GTF2E1: variants seen among roughly 807,000 people sequenced by gnomAD.
GTF2E1 encodes the protein TFIIE alpha subunit.
GTF2E1 carries 14 observed loss-of-function variants against 34.9 expected under a neutral mutation model. The observed-to-expected ratio is 0.40, with a 90% CI of 0.27 to 0.63. GTF2E1 has a LOEUF of 0.63. GTF2E1 is among the 20% of genes least tolerant of loss of function. The pLI is 0.39. For synonymous variants in GTF2E1, 188 were observed against 192.9 expected (o/e 0.97, Z 0.21); for missense variants, 469 against 557.7 (o/e 0.84, Z 1.60).
intron 2 of GTF2E1, among the ~76,000 whole-genome samples, chr3:120,761,994 G>C (rs997242140): frequency 6.6e-6 from 1 of 152,072 alleles, no homozygotes; most frequent in African/African-American, 2.4e-5. Flanking sequence ...ATTTCACCGT[G>C]TTAGCCAGGA....
intron 1 of GTF2E1, among the ~76,000 whole-genome samples, chr3:120,748,542 T>C (rs1709130544): frequency 6.6e-6 from 1 of 152,218 alleles, no homozygotes; most frequent in Non-Finnish European, 1.5e-5. Flanking sequence ...CTCAGGTTTG[T>C]CAAAGATCAG....
At chr3:120,749,517 G>A (rs1235053846) in intron 1 of GTF2E1, among the ~76,000 whole-genome samples, 4 of 152,028 alleles carry the variant, frequency 2.6e-5, no homozygotes, top group African/African-American at 4.8e-5. Context: ...ATAATCATGT[G>A]GTTTTTGTCT....
At chr3:120,768,722 T>G (rs1039200634) in intron 2 of GTF2E1, among the ~76,000 whole-genome samples, 1 of 152,208 alleles carries the variant, frequency 6.6e-6, no homozygotes, top group African/African-American at 2.4e-5. Flanking sequence ...GGTTTATTTT[T>G]AAGCCCCCAC....
chr3:120,781,617 A>C lies in GTF2E1; in HGVS notation c.*147A>C. 1.5e-6 allele frequency: 1 copy of C among 654,018 alleles called. No homozygotes were observed. Among genetic ancestry groups the C allele is most frequent in the South Asian group, 2.0e-5 (1 of 49,124 alleles). 40.5% of individuals were successfully genotyped at this position (654,018 alleles called of 1,614,324 possible). A position where few individuals can be genotyped will look rare whatever the true frequency, so the allele number is the denominator to read the frequency against. Reference sequence around the variant, plus strand: ...GCAAAGATTGATGGTAGAGAGTTTGACTTTTATGCCAGAAACTTTCCCAGC... The same window carrying C: ...GCAAAGATTGATGGTAGAGAGTTTGCCTTTTATGCCAGAAACTTTCCCAGC... On this transcript the variant is annotated 3_prime_UTR_variant, in exon 5 of 5. Transcript: ENST00000283875.
At chr3:120,761,255 C>T (rs566247227) in intron 2 of GTF2E1, among the ~76,000 whole-genome samples, 4 of 152,222 alleles carry the variant, frequency 2.6e-5, no homozygotes, top group South Asian at 2.1e-4. Context: ...TCTGTGGGAT[C>T]GGTGGTGATA....
chr3:120,772,203 AG>A (rs1709357573), intron 3 of GTF2E1, among the ~76,000 whole-genome samples: 1 of 152,080 alleles, frequency 6.6e-6, no homozygotes, highest in Admixed American at 6.6e-5. Context: ...AGGGCTCCCT[AG>A]GATACTCTAT....
chr3:120,761,598 C>A (rs949507660), intron 2 of GTF2E1, among the ~76,000 whole-genome samples: 1 of 152,118 alleles, frequency 6.6e-6, no homozygotes, highest in African/African-American at 2.4e-5. Context: ...TTAAATGTAT[C>A]CCAGAGATTC....
chr3:120,760,383 A>G (rs1576358862), intron 2 of GTF2E1, among the ~76,000 whole-genome samples: 2 of 152,178 alleles, frequency 1.3e-5, no homozygotes, highest in Non-Finnish European at 2.9e-5. Flanking sequence ...AACAGAGACA[A>G]TTTGACTTCC....
intron 4 of GTF2E1, among the ~76,000 whole-genome samples, chr3:120,777,482 A>T (rs1709411422): frequency 6.6e-6 from 1 of 152,208 alleles, no homozygotes; most frequent in African/African-American, 2.4e-5. Context: ...GTGATATGTT[A>T]GTGCCAAAGA....
rs565073405 is a variant in GTF2E1, at chr3:120,781,483, T to C, written c.*13T>C. 40 of 1,594,996 alleles carry C rather than the reference T, an allele frequency of 2.5e-5. No individual in the cohort carries two copies. The highest frequency in any genetic ancestry group is 3.4e-5 in the Non-Finnish European group (40 of 1,163,924). ...CCTCTTTGAGTGAGCTTTCCCTAAT[T>C]CTTTCTCCTTTCTCTAATGCTCAGT... is the stretch of plus-strand genomic sequence containing the variant. On this transcript the variant is annotated 3_prime_UTR_variant, in exon 5 of 5. Coordinates refer to ENST00000283875, the MANE Select transcript of GTF2E1 (RefSeq NM_005513.3).
chr3:120,782,621 A>G lies in GTF2E1; in HGVS notation c.*1151A>G, dbSNP rs1346013468. On this transcript the variant is annotated 3_prime_UTR_variant, in exon 5 of 5. Coordinates refer to ENST00000283875, the MANE Select transcript of GTF2E1 (RefSeq NM_005513.3). Reference sequence around the variant, plus strand: ...TCCTGGTTTTGTTCCCTTTGGGTACAGACCTCTTGTCAGTGCTATAAATTG... The same window carrying G: ...TCCTGGTTTTGTTCCCTTTGGGTACGGACCTCTTGTCAGTGCTATAAATTG... 1 of 152,228 alleles carries G rather than the reference A, an allele frequency of 6.6e-6. No individual in the cohort carries two copies. Among genetic ancestry groups the G allele is most frequent in the Non-Finnish European group, 1.5e-5 (1 of 68,038 alleles). The allele number at this position is 152,228 out of a possible 1,614,324, so 9.4% of individuals were successfully genotyped here.
At chr3:120,751,167 C>G (rs1709162256) in intron 2 of GTF2E1, 167 bp downstream of exon 2, 1 of 556,458 alleles carries the variant, frequency 1.8e-6, no homozygotes, top group Non-Finnish European at 3.1e-6. Context: ...GGCTGTCGCA[C>G]TACTTTGAGA....
intron 2 of GTF2E1, among the ~76,000 whole-genome samples, chr3:120,768,412 A>G (rs1709326282): frequency 6.6e-6 from 1 of 152,182 alleles, no homozygotes; most frequent in Non-Finnish European, 1.5e-5. Flanking sequence ...TTGAAAACAG[A>G]TAATGAGAGG....
At chr3:120,775,221 A>G (rs948797598) in intron 3 of GTF2E1, among the ~76,000 whole-genome samples, 1 of 152,188 alleles carries the variant, frequency 6.6e-6, no homozygotes. Context: ...TTAGGAGGAA[A>G]GACTAATGAA....
At chr3:120,771,767 A>G (rs970200924) in intron 3 of GTF2E1, among the ~76,000 whole-genome samples, 3 of 152,286 alleles carry the variant, frequency 2.0e-5, no homozygotes, top group African/African-American at 7.2e-5. Context: ...GGTTCAAAGC[A>G]ATCCAATTCT....
chr3:120,762,568 A>T (rs1709273588), intron 2 of GTF2E1, among the ~76,000 whole-genome samples: 3 of 152,192 alleles, frequency 2.0e-5, no homozygotes, highest in Admixed American at 2.0e-4. Flanking sequence ...AATATTGTAT[A>T]GTTTTATTTA....
intron 4 of GTF2E1, among the ~76,000 whole-genome samples, chr3:120,779,982 G>A (rs990802280): frequency 1.3e-5 from 2 of 152,210 alleles, no homozygotes; most frequent in African/African-American, 4.8e-5. Context: ...TATTTCATCT[G>A]CAGTATATCA....
chr3:120,748,325 C>T (rs1458985778), intron 1 of GTF2E1, among the ~76,000 whole-genome samples: 6 of 152,000 alleles, frequency 3.9e-5, no homozygotes, highest in African/African-American at 1.2e-4. Flanking sequence ...AGTCCTTGCC[C>T]ATGCCTATGT....
intron 2 of GTF2E1, 89 bp from the exon 3 acceptor site, chr3:120,770,638 GT>G: frequency 1.1e-6 from 1 of 902,672 alleles, no homozygotes; most frequent in East Asian, 2.5e-5. Context: ...ATATTTGAAA[GT>G]TTTAATAATA....
Sources: allele counts gnomAD v4.1 joint callset (sites outside exome capture counted in the v4.1 genomes callset), GRCh38; gene constraint gnomAD v4.1.1; transcripts MANE v1.5; gene names NCBI Gene and HGNC (gene_info 2026-07-23, HGNC 2026-07-21).